Variants in SSBP3 observed in about 807,000 individuals in gnomAD.
SSBP3 encodes the protein single-stranded DNA-binding protein 3.
SSBP3 carries 5 observed loss-of-function variants against 69.6 expected under a neutral mutation model. The observed-to-expected ratio is 0.07, with a 90% CI of 0.04 to 0.15. The LOEUF (loss-of-function observed/expected upper bound fraction) is 0.15, where lower values mean the gene tolerates loss of function less well. Ranked by LOEUF, SSBP3 falls within the 10% of genes least tolerant of loss-of-function variation. The probability of loss-of-function intolerance (pLI) is 1.00; values close to 1 mark genes in which losing one functional copy is unlikely to be tolerated. For missense variants in SSBP3, 312 were observed against 534.0 expected (o/e 0.58, Z 4.10); for synonymous variants, 196 against 193.4 (o/e 1.01, Z -0.11).
chr1:54,336,194 G>A (rs1464296923), intron 4 of SSBP3, among the ~76,000 whole-genome samples: 1 of 152,220 alleles, frequency 6.6e-6, no homozygotes, highest in African/African-American at 2.4e-5. Context: ...ATCCATTCCA[G>A]AAAGACTATA....
At position 54,231,990 on chromosome 1, in the gene SSBP3, G is replaced by A. The variant is rs185380104; in HGVS notation, c.928-3164C>T. 7.9e-5 allele frequency among the ~76,000 whole-genome samples: 12 copies of A among 152,270 alleles called. No homozygotes were observed. The South Asian group carries it at 1.0e-3, about 13-fold the overall frequency. On this transcript the variant is annotated intron_variant, in intron 14 of 17. Transcript: ENST00000610401. ...ATTATAGGTGTGAGCCACCATGCCC[G>A]GCCCCCTATGATCTACTTTAACTTT...
At chr1:54,228,938 C>A in intron 14 of SSBP3, 112 bp from the exon 15 acceptor site, 3 of 1,127,372 alleles carry the variant, frequency 2.7e-6, no homozygotes, top group Non-Finnish European at 3.9e-6. Flanking sequence ...ACCCCTGCTC[C>A]GGCAGGCTCT....
upstream of SSBP3, among the ~76,000 whole-genome samples, chr1:54,407,025 G>C (rs1342851961): frequency 6.6e-6 from 1 of 152,018 alleles, no homozygotes; most frequent in Non-Finnish European, 1.5e-5. Context: ...GGGGCTCCAC[G>C]CTGAGAGCTG....
intron 4 of SSBP3, among the ~76,000 whole-genome samples, chr1:54,332,519 T>G (rs551402252): frequency 6.6e-6 from 1 of 152,176 alleles, no homozygotes; most frequent in Non-Finnish European, 1.5e-5. Context: ...GAAGAGATCA[T>G]CTTTCCAAAC....
At chr1:54,400,576 C>G (rs1478585754) in intron 4 of SSBP3, among the ~76,000 whole-genome samples, 1 of 152,190 alleles carries the variant, frequency 6.6e-6, no homozygotes, top group Non-Finnish European at 1.5e-5. Flanking sequence ...CCAGAAGTAC[C>G]ATTCATCAGC....
At chr1:54,382,780 G>C (rs1442732541) in intron 4 of SSBP3, among the ~76,000 whole-genome samples, 1 of 151,858 alleles carries the variant, frequency 6.6e-6, no homozygotes, top group Non-Finnish European at 1.5e-5. Flanking sequence ...GAAGTCGGGA[G>C]TTCGAGACCA....
At chr1:54,371,205 G>A (rs1647127523) in intron 4 of SSBP3, among the ~76,000 whole-genome samples, 1 of 152,240 alleles carries the variant, frequency 6.6e-6, no homozygotes, top group South Asian at 2.1e-4. Flanking sequence ...ACTATTCTCA[G>A]ATAGGAGCTG....
chr1:54,240,088 G>GTGTA (rs1557448768), intron 13 of SSBP3, among the ~76,000 whole-genome samples: 1 of 16,450 alleles, frequency 6.1e-5, no homozygotes, highest in African/African-American at 4.1e-4. Flanking sequence ...GTGTGTGTGT[G>GTGTA]CGCGCGCGCG....
chr1:54,261,067 T>C (rs1645009909), intron 5 of SSBP3, among the ~76,000 whole-genome samples: 1 of 152,204 alleles, frequency 6.6e-6, no homozygotes, highest in Non-Finnish European at 1.5e-5. Flanking sequence ...AACTCCTCTG[T>C]GTCTCTGCTA....
At chr1:54,407,461 G>A (rs1378699115), upstream of SSBP3, among the ~76,000 whole-genome samples, 3 of 152,122 alleles carry the variant, frequency 2.0e-5, no homozygotes, top group Non-Finnish European at 2.9e-5. Context: ...GGGGGGGCTG[G>A]CAGAGTGACC....
intron 5 of SSBP3, among the ~76,000 whole-genome samples, chr1:54,277,599 T>C (rs1645312733): frequency 1.3e-5 from 2 of 152,214 alleles, no homozygotes; most frequent in African/African-American, 4.8e-5. Context: ...GCAGAAACAC[T>C]GTGATGAAAA....
At chr1:54,304,256 C>T (rs1033943149) in intron 4 of SSBP3, among the ~76,000 whole-genome samples, 24 of 152,274 alleles carry the variant, frequency 1.6e-4, no homozygotes, top group South Asian at 6.2e-4. Context: ...TGTGAACAGG[C>T]GGCGAGGCTG....
At chr1:54,265,322 G>C (rs1645082995) in intron 5 of SSBP3, among the ~76,000 whole-genome samples, 1 of 152,210 alleles carries the variant, frequency 6.6e-6, no homozygotes. Flanking sequence ...GTGTGTGTGT[G>C]TTATGTAGGG....
At chr1:54,407,039 G>A (rs1389019603), upstream of SSBP3, among the ~76,000 whole-genome samples, 3 of 152,040 alleles carry the variant, frequency 2.0e-5, no homozygotes, top group Admixed American at 6.5e-5. Context: ...AGAGCTGGGC[G>A]GCTCGAGCCG....
intron 4 of SSBP3, among the ~76,000 whole-genome samples, chr1:54,358,778 G>C (rs1032460693): frequency 3.3e-5 from 5 of 152,128 alleles, no homozygotes; most frequent in African/African-American, 1.2e-4. Flanking sequence ...AACGACACAG[G>C]GAAATTCCGC....
At chr1:54,331,490 G>A (rs1231605526) in intron 4 of SSBP3, among the ~76,000 whole-genome samples, 1 of 152,208 alleles carries the variant, frequency 6.6e-6, no homozygotes, top group African/African-American at 2.4e-5. Flanking sequence ...CAGTGACAAA[G>A]AGAGTTTTCT....
At chr1:54,384,831 C>G (rs1375786883) in intron 4 of SSBP3, among the ~76,000 whole-genome samples, 1 of 151,996 alleles carries the variant, frequency 6.6e-6, no homozygotes, top group Non-Finnish European at 1.5e-5. Flanking sequence ...TTCCAACATA[C>G]AAGGCCCATC....
upstream of SSBP3, among the ~76,000 whole-genome samples, chr1:54,407,225 G>A (rs756836342): frequency 1.4e-4 from 21 of 152,184 alleles, no homozygotes; most frequent in Non-Finnish European, 2.1e-4. Context: ...AATTTCCAAG[G>A]TTTGCCAGTC....
chr1:54,274,265 T>C (rs1645246426), intron 5 of SSBP3, among the ~76,000 whole-genome samples: 1 of 152,194 alleles, frequency 6.6e-6, no homozygotes, highest in African/African-American at 2.4e-5. Flanking sequence ...AACTGGCCAA[T>C]TTGAGCCTCA....
Sources: gnomAD v4.1 joint callset for allele counts (sites outside exome capture counted in the v4.1 genomes callset) on GRCh38, gnomAD v4.1.1 for gene constraint, MANE v1.5 for transcripts, NCBI Gene and HGNC (gene_info 2026-07-23, HGNC 2026-07-21) for gene names.